OLFML2A: variants seen among roughly 807,000 people sequenced by gnomAD.
OLFML2A encodes the protein olfactomedin-like protein 2A.
Under a neutral mutation model 60.9 loss-of-function variants are expected in OLFML2A, and 47 were observed. That is an observed-to-expected ratio of 0.77 (90% CI 0.61 to 0.98). The LOEUF (loss-of-function observed/expected upper bound fraction) is 0.98, where lower values mean the gene tolerates loss of function less well. OLFML2A is among the 50% of genes least tolerant of loss of function. The pLI is 0.00. For synonymous variants in OLFML2A, 372 were observed against 375.0 expected, an observed-to-expected ratio of 0.99 and a Z score of 0.09; for missense variants, 922 against 879.8, an observed-to-expected ratio of 1.05 and a Z score of -0.61.
At position 124,786,994 on chromosome 9, in the gene OLFML2A, A is replaced by G; in HGVS notation, c.110A>G (p.Gln37Arg). 1.2e-6 allele frequency: 2 copies of G among 1,612,290 alleles called. No homozygotes were observed. Among genetic ancestry groups the G allele is most frequent in the South Asian group, 2.2e-5 (2 of 91,044 alleles). Residue 37 changes from glutamine (Q) to arginine (R), a missense_variant, in exon 2 of 8, where the codon CAG (glutamine) becomes CGG (arginine). Transcript: ENST00000373580. ...CAACAGGTGTTTGGGGACCTGGACC[A>G]GGTGAGGATGACCTCGGAGGGCTCC... ...ADSKVFGDLD[Q>R]VRMTSEGSDC...
intron 2 of OLFML2A, among the ~76,000 whole-genome samples, chr9:124,788,310 A>AT: frequency 6.6e-6 from 1 of 151,118 alleles, no homozygotes; most frequent in Middle Eastern, 3.4e-3. Flanking sequence ...TCAAAAAAAA[A>AT]AAATAAAGAA....
rs941675927 is a variant in OLFML2A at position 124,777,371 on chromosome 9, C to T, written c.90+11C>T. ...CGCGCCGACAGTAAGGTACGCACGC[C>T]CCTCGGACCCGCGCGGCTCGGCGGG... On this transcript the variant is annotated intron_variant, in intron 1 of 7. Transcript: ENST00000373580. The surrounding 1 kb of genome is among the most constrained non-coding windows in gnomAD (Gnocchi z 6.2). The T allele has an allele frequency of 5.6e-6, 7 of 1,248,518 alleles. No homozygotes were observed. The highest frequency in any genetic ancestry group is 3.1e-4 in the Middle Eastern group (1 of 3,276). The allele number at this position is 1,248,518 out of a possible 1,614,324, so 77.3% of individuals were successfully genotyped here.
intron 1 of OLFML2A, among the ~76,000 whole-genome samples, chr9:124,778,082 G>A (rs926376205): frequency 3.3e-5 from 5 of 152,134 alleles, no homozygotes; most frequent in Admixed American, 1.3e-4. Flanking sequence ...GCACTAGGCC[G>A]GGCGCGGTGG....
rs372227389 is a variant in OLFML2A at position 124,810,097 on chromosome 9, C to A, written c.1644C>A (p.Ile548=). The A allele has an allele frequency of 1.9e-6, 3 of 1,613,662 alleles. No individual in the cohort carries two copies. The African/African-American group carries it at 4.0e-5, about 22-fold the overall frequency. ...GCGATGAGGCCCAGCCCGAGGTGAT[C>A]GTCCTGAGTCGCTTGGACCCCGGCG... is the stretch of plus-strand genomic sequence containing the variant. The part of the protein sequence containing the change: ...DDRDEAQPEV[I]VLSRLDPGDL... The change falls in exon 8 of 8, where the codon ATC becomes ATA. Residue 548 remains isoleucine (I), a synonymous_variant. Coordinates refer to ENST00000373580, the MANE Select transcript of OLFML2A (RefSeq NM_182487.4).
chr9:124,791,059 A>G (rs555951436), intron 2 of OLFML2A, among the ~76,000 whole-genome samples: 29 of 152,330 alleles, frequency 1.9e-4, no homozygotes, highest in Admixed American at 3.9e-4. Flanking sequence ...GGGACCAGAC[A>G]TGGCTCCTGC....
intron 6 of OLFML2A, among the ~76,000 whole-genome samples, chr9:124,807,292 C>CTTTT (rs1220692026): frequency 1.2e-5 from 1 of 86,512 alleles, no homozygotes; most frequent in Non-Finnish European, 2.1e-5. Flanking sequence ...TTTCTCCATT[C>CTTTT]TCTTTTTTTT....
At chr9:124,782,868 T>C (rs1223778542) in intron 1 of OLFML2A, among the ~76,000 whole-genome samples, 1 of 152,128 alleles carries the variant, frequency 6.6e-6, no homozygotes, top group Non-Finnish European at 1.5e-5. Flanking sequence ...TTCCCTGGCC[T>C]GGCCACACAG....
At chr9:124,802,586 TG>T (rs1841798613) in intron 5 of OLFML2A, among the ~76,000 whole-genome samples, 1 of 152,226 alleles carries the variant, frequency 6.6e-6, no homozygotes, top group South Asian at 2.1e-4. Flanking sequence ...GACCCCTGGC[TG>T]GGGCACTGCC....
intron 1 of OLFML2A, among the ~76,000 whole-genome samples, chr9:124,780,697 C>G (rs1319906485): frequency 1.3e-5 from 2 of 152,200 alleles, no homozygotes; most frequent in Non-Finnish European, 2.9e-5. Flanking sequence ...CCCAACACTC[C>G]CTTTGGCTGG....
chr9:124,795,129 G>A lies in OLFML2A; in HGVS notation c.460G>A (p.Glu154Lys), dbSNP rs779825905. 7.0e-6 allele frequency: 11 copies of A among 1,581,658 alleles called. No homozygotes were observed. Among genetic ancestry groups the A allele is most frequent in the Non-Finnish European group, 9.5e-6 (11 of 1,155,926 alleles). Residue 154 changes from glutamate (E) to lysine (K), a missense_variant and splice_region_variant, in exon 3 of 8, where the codon GAG becomes AAG. Transcript: ENST00000373580. ...GGCCTCCCAGATGAACACACTGGAA[G>A]AGGTAAGGGCGGGGCTGCCGCCAGA... The part of the protein sequence containing the change: ...KVASQMNTLE[E>K]SIKANLSREN...
intron 4 of OLFML2A, 111 bp from the exon 5 acceptor site, chr9:124,801,303 T>C (rs976867592): frequency 2.6e-6 from 3 of 1,173,042 alleles, no homozygotes; most frequent in Non-Finnish European, 1.2e-6. Flanking sequence ...GCTTGGGACA[T>C]AGGGCCTGGG....
intron 2 of OLFML2A, among the ~76,000 whole-genome samples, chr9:124,794,552 G>A (rs1841629135): frequency 6.6e-6 from 1 of 152,156 alleles, no homozygotes; most frequent in Non-Finnish European, 1.5e-5. Context: ...TGGGGCTGGT[G>A]AGTGCTCAGG....
chr9:124,790,172 G>T (rs770445634), intron 2 of OLFML2A, among the ~76,000 whole-genome samples: 2 of 151,888 alleles, frequency 1.3e-5, no homozygotes, highest in Non-Finnish European at 2.9e-5. Flanking sequence ...GCAGTATTAA[G>T]ATTTTTTTTT....
At chr9:124,786,828 C>T in intron 1 of OLFML2A, 147 bp from the exon 2 acceptor site, 1 of 699,640 alleles carries the variant, frequency 1.4e-6, no homozygotes, top group East Asian at 2.5e-5. Context: ...AAGGGCTTCA[C>T]CACCTCTAAT....
At chr9:124,808,768 TA>T (rs536402438) in intron 7 of OLFML2A, among the ~76,000 whole-genome samples, 79 of 149,544 alleles carry the variant, frequency 5.3e-4, no homozygotes, top group Non-Finnish European at 1.1e-3. Flanking sequence ...TGGCCTGGGG[TA>T]GGGGGGATGG....
At position 124,810,694 on chromosome 9, in the gene OLFML2A, G is replaced by A. The variant is rs1841996051; in HGVS notation, c.*282G>A. The A allele has an allele frequency of 2.1e-6, 1 of 473,830 alleles. No individual in the cohort carries two copies. The highest frequency in any genetic ancestry group is 2.8e-5 in the South Asian group (1 of 35,718). 29.4% of individuals were successfully genotyped at this position (473,830 alleles called of 1,614,324 possible). On this transcript the variant is annotated 3_prime_UTR_variant, in exon 8 of 8. Coordinates refer to ENST00000373580, the MANE Select transcript of OLFML2A (RefSeq NM_182487.4). Reference sequence around the variant, plus strand: ...CATGAACCCATTTAACAGACGAGGAGACAGGCTCAGAGAGGCACCGTCCCT... The same window carrying A: ...CATGAACCCATTTAACAGACGAGGAAACAGGCTCAGAGAGGCACCGTCCCT...
intron 6 of OLFML2A, among the ~76,000 whole-genome samples, chr9:124,807,089 A>G (rs78929066): frequency 2.8e-5 from 4 of 142,502 alleles, no homozygotes; most frequent in South Asian, 2.2e-4. Flanking sequence ...AATTAAAAAA[A>G]TTTTTTTTTT....
At chr9:124,795,990 G>A (rs889814727) in intron 3 of OLFML2A, among the ~76,000 whole-genome samples, 6 of 152,336 alleles carry the variant, frequency 3.9e-5, no homozygotes, top group East Asian at 3.9e-4. Flanking sequence ...CTGCAGGTTC[G>A]AGGTTTGTAT....
In OLFML2A at chr9:124,799,505, T is replaced by C; in HGVS notation, c.669+14T>C. The C allele has an allele frequency of 1.3e-6, 2 of 1,567,662 alleles. No homozygotes were observed. Among genetic ancestry groups the C allele is most frequent in the African/African-American group, 1.3e-5 (1 of 74,278 alleles). The stretch of plus-strand genomic sequence containing the variant: ...AGCAAGGCCCAGGTGAGGCCCCAGC[T>C]CTGATCATGGGGCCGGAGCTGGCTG... On this transcript the variant is annotated intron_variant, in intron 4 of 7. Transcript: ENST00000373580.
Sources: gnomAD v4.1 joint callset for allele counts (sites outside exome capture counted in the v4.1 genomes callset) on GRCh38, gnomAD v4.1.1 for gene constraint, Gnocchi (gnomAD v3.1) non-coding constraint, MANE v1.5 for transcripts, NCBI Gene and HGNC (gene_info 2026-07-23, HGNC 2026-07-21) for gene names.